The following MROH2B variants were observed in gnomAD, a reference collection of about 807,000 sequenced individuals.
MROH2B encodes maestro heat-like repeat-containing protein family member 2B.
In MROH2B, 177 loss-of-function variants were observed where a neutral mutation model predicts 208.6. The ratio of observed to expected loss-of-function variants is 0.85; its 90% CI spans 0.75 to 0.96. The LOEUF (loss-of-function observed/expected upper bound fraction) is 0.96. MROH2B is among the 40% of genes least tolerant of loss of function. The probability of loss-of-function intolerance (pLI) is 0.00; values close to 1 mark genes in which losing one functional copy is unlikely to be tolerated. For synonymous variants in MROH2B, 728 were observed against 659.0 expected (o/e 1.10, Z -1.60); for missense variants, 2,002 against 1,878.7 (o/e 1.07, Z -1.21).
At chr5:41,048,010 T>C (rs1743174366) in intron 16 of MROH2B, among the ~76,000 whole-genome samples, 1 of 152,222 alleles carries the variant, frequency 6.6e-6, no homozygotes, top group Admixed American at 6.5e-5. Context: ...TGACCATATT[T>C]TGATATTCTA....
At chr5:41,070,624 C>A (rs1218511904) in intron 1 of MROH2B, among the ~76,000 whole-genome samples, 1 of 152,152 alleles carries the variant, frequency 6.6e-6, no homozygotes, top group East Asian at 1.9e-4. Flanking sequence ...GCACAACCAT[C>A]TCTTAGGCTT....
chr5:41,003,502 G>A (rs1002693924), intron 37 of MROH2B, among the ~76,000 whole-genome samples: 2 of 152,072 alleles, frequency 1.3e-5, no homozygotes, highest in African/African-American at 4.8e-5. Flanking sequence ...GGATTTGAGA[G>A]GTAATATATC....
intron 18 of MROH2B, among the ~76,000 whole-genome samples, chr5:41,045,110 G>A (rs1172973599): frequency 6.6e-6 from 1 of 152,160 alleles, no homozygotes; most frequent in East Asian, 1.9e-4. Context: ...AGCTTAGGTA[G>A]GGGCCATTTA....
At chr5:41,043,223 G>C (rs1455629832) in intron 18 of MROH2B, among the ~76,000 whole-genome samples, 1 of 152,236 alleles carries the variant, frequency 6.6e-6, no homozygotes, top group Non-Finnish European at 1.5e-5. Context: ...AAGTTAAAAA[G>C]AGGTGGAGCA....
intron 24 of MROH2B, among the ~76,000 whole-genome samples, chr5:41,024,510 T>C (rs1378917575): frequency 6.6e-6 from 1 of 152,126 alleles, no homozygotes; most frequent in Non-Finnish European, 1.5e-5. Context: ...ATGCACCCAA[T>C]ACAGGAGCAC....
At position 41,012,665 on chromosome 5, in the gene MROH2B, C is replaced by G; in HGVS notation, c.3053G>C (p.Ser1018Thr). 6.2e-7 allele frequency: 1 copy of G among 1,613,902 alleles called. No individual in the cohort carries two copies. Among genetic ancestry groups the G allele is most frequent in the Non-Finnish European group, 8.5e-7 (1 of 1,179,822 alleles). Residue 1018 changes from serine to threonine, a missense_variant, in exon 30 of 42, where the codon AGC becomes ACC. Transcript: ENST00000399564. ...FLEEMLDGLE[S>T]LNPTCTKACG... ...GGCCTTTGTACAAGTGGGGTTGAGG[C>G]TCTCCAGACCGTCCAGCATTTCCTC...
At chr5:41,057,563 C>CTTTTTATTTTTTTTTTTTTTTTTTTTT (rs1743498644) in intron 7 of MROH2B, among the ~76,000 whole-genome samples, 1 of 73,252 alleles carries the variant, frequency 1.4e-5, no homozygotes, top group Non-Finnish European at 2.4e-5. Flanking sequence ...AATATCCCTC[C>CTTTTTATTTTTTTTTTTTTTTTTTTTT]TTTTTTTTTT....
chr5:41,039,158 A>C (rs752512202), intron 20 of MROH2B, among the ~76,000 whole-genome samples: 1 of 152,162 alleles, frequency 6.6e-6, no homozygotes, highest in Non-Finnish European at 1.5e-5. Context: ...GGGAAAGCAG[A>C]GTATGCATGA....
intron 1 of MROH2B, among the ~76,000 whole-genome samples, chr5:41,070,076 A>T (rs1287936828): frequency 6.6e-6 from 1 of 152,156 alleles, no homozygotes; most frequent in Non-Finnish European, 1.5e-5. Context: ...CTCAGAGTCA[A>T]TGAGGTGAAT....
At chr5:41,007,266 G>C in intron 34 of MROH2B, 48 bp downstream of exon 34, 1 of 1,371,492 alleles carries the variant, frequency 7.3e-7, no homozygotes, top group Non-Finnish European at 9.5e-7. Context: ...TTGTTTGTTT[G>C]TTTTTGTTTT....
intron 9 of MROH2B, among the ~76,000 whole-genome samples, chr5:41,056,774 C>CA (rs34263761): frequency 0.51 from 58,527 of 114,516 alleles, 13,100 homozygotes; most frequent in South Asian, 0.62. Context: ...TCTCAAATAC[C>CA]AAAAAAAAAA....
At chr5:41,009,125 A>G (rs575579695) in intron 32 of MROH2B, among the ~76,000 whole-genome samples, 155 bp downstream of exon 32, 1 of 152,308 alleles carries the variant, frequency 6.6e-6, no homozygotes, top group Non-Finnish European at 1.5e-5. Context: ...TCAGCCACAG[A>G]CAAAAGTAGA....
At chr5:41,007,242 T>C in intron 34 of MROH2B, 72 bp downstream of exon 34, 2 of 1,344,446 alleles carry the variant, frequency 1.5e-6, no homozygotes, top group South Asian at 4.0e-5. Flanking sequence ...AAGTTGCCTG[T>C]ATTGCACTTT....
At position 41,055,801 on chromosome 5, in the gene MROH2B, TTAC is replaced by T. The variant is rs759292263; in HGVS notation, c.971_973del (p.Ser324del). ...GATTCCCACTCGAATGGCTTCATTATTACTTCTTACTTGTTCATCAAAAAATTC... is the reference window on the plus strand; with the variant it reads ...GATTCCCACTCGAATGGCTTCATTATTTCTTACTTGTTCATCAAAAAATTC... On this transcript the variant is annotated inframe_deletion, in exon 10 of 42. Coordinates refer to ENST00000399564, the MANE Select transcript of MROH2B (RefSeq NM_173489.5). The T allele has an allele frequency of 1.2e-6, 2 of 1,613,886 alleles. No homozygotes were observed. The highest frequency in any genetic ancestry group is 4.5e-5 in the East Asian group (2 of 44,868).
Position 41,018,773 on chromosome 5 carries a change from C to T in MROH2B, c.2591G>A (p.Arg864Gln). Reference protein sequence around the residue: ...DKEHIQFLYERSMDALGKLLK... With the variant: ...DKEHIQFLYEQSMDALGKLLK... The stretch of plus-strand genomic sequence containing the variant: ...AAGTTTTCCTAGGGCGTCCATGGAT[C>T]GTTCATAGAGAAACTGAAATCAAAT... Residue 864 changes from arginine to glutamine, a missense_variant, in exon 26 of 42, where the codon CGA (arginine) becomes CAA (glutamine). Arg to Gln is a conservative substitution (Grantham distance 43, BLOSUM62 1). Transcript: ENST00000399564. 2.5e-6 allele frequency: 4 copies of T among 1,613,820 alleles called. No homozygotes were observed. Among genetic ancestry groups the T allele is most frequent in the South Asian group, 1.1e-5 (1 of 91,078 alleles).
intron 21 of MROH2B, among the ~76,000 whole-genome samples, chr5:41,038,535 C>T (rs1221549700): frequency 1.3e-5 from 2 of 152,308 alleles, no homozygotes; most frequent in Admixed American, 1.3e-4. Flanking sequence ...ATGCAGCCAT[C>T]CATGTTGCTG....
intron 17 of MROH2B, among the ~76,000 whole-genome samples, chr5:41,047,073 A>ACT (rs371950225): frequency 0.81 from 123,201 of 151,798 alleles, 50,771 homozygotes; most frequent in Non-Finnish European, 0.89. Flanking sequence ...CTTTTAATAT[A>ACT]GAAAACCTTC....
At chr5:41,025,715 T>C (rs9764055) in intron 24 of MROH2B, among the ~76,000 whole-genome samples, 24,499 of 151,980 alleles carry the variant, frequency 0.16, 2,064 homozygotes, top group East Asian at 0.26. Flanking sequence ...TACCAAAGCC[T>C]GGCAGAGACA....
At chr5:41,028,094 G>A (rs915915659) in intron 24 of MROH2B, among the ~76,000 whole-genome samples, 14 of 152,122 alleles carry the variant, frequency 9.2e-5, no homozygotes, top group African/African-American at 3.1e-4. Context: ...TGTAAATGTC[G>A]AGTTAATGGG....
Sources: gnomAD v4.1 joint callset for allele counts (sites outside exome capture counted in the v4.1 genomes callset) on GRCh38, gnomAD v4.1.1 for gene constraint, MANE v1.5 for transcripts, NCBI Gene and HGNC (gene_info 2026-07-23, HGNC 2026-07-21) for gene names.